PCDHA6: variants seen among roughly 807,000 people sequenced by gnomAD.
PCDHA6 encodes protocadherin alpha-6.
In PCDHA6, 55 loss-of-function variants were observed where a neutral mutation model predicts 60.3. That is an observed-to-expected ratio of 0.91 (90% confidence interval 0.73 to 1.14). The LOEUF is 1.14. PCDHA6 is among the 50% of genes most tolerant of loss of function. The probability of loss-of-function intolerance (pLI) is 0.00; values close to 1 mark genes in which losing one functional copy is unlikely to be tolerated. For synonymous variants in PCDHA6, 652 were observed against 557.9 expected (o/e 1.17, Z -2.38); for missense variants, 1,327 against 1,256.5 (o/e 1.06, Z -0.85).
intron 1 of PCDHA6, among the ~76,000 whole-genome samples, chr5:140,878,522 C>A (rs1237264420): frequency 6.6e-6 from 1 of 152,072 alleles, no homozygotes; most frequent in Non-Finnish European, 1.5e-5. Flanking sequence ...AGTTGGTAAC[C>A]AACTGTGGCT....
chr5:140,927,073 C>T (rs782173390), intron 1 of PCDHA6: 11 of 1,611,108 alleles, frequency 6.8e-6, no homozygotes, highest in Middle Eastern at 1.7e-4. Context: ...CCTTTCCAGC[C>T]ACCGCGAGCT....
intron 1 of PCDHA6, chr5:140,834,773 T>G (rs1773277984): frequency 1.9e-6 from 3 of 1,613,730 alleles, no homozygotes; most frequent in African/African-American, 1.3e-5. Flanking sequence ...ACGACAACCC[T>G]CCGGTGTTCC....
At chr5:140,925,556 T>C (rs1421287870) in intron 1 of PCDHA6, among the ~76,000 whole-genome samples, 2 of 151,752 alleles carry the variant, frequency 1.3e-5, no homozygotes, top group African/African-American at 4.8e-5. Flanking sequence ...AAATGACAAG[T>C]TAATGGGTGC....
chr5:140,969,348 G>A, intron 1 of PCDHA6: 5 of 1,613,304 alleles, frequency 3.1e-6, no homozygotes, highest in Non-Finnish European at 4.2e-6. Flanking sequence ...CAGTGGTCAG[G>A]GGGTCTTCTA....
rs1181664726 is a variant in PCDHA6 at position 140,982,480 on chromosome 5, T to C, written c.2459T>C (p.Val820Ala). ...GGGTCTGTGTGTTTATTCAGCTCTG[T>C]GCACCTAGAGGAGGCTGGCATTCTA... ...ASLRAGMHSS[V>A]HLEEAGILRA... is the part of the protein sequence containing the mutation. The change falls in exon 3 of 4, where the codon GTG (valine) becomes GCG (alanine). Residue 820 changes from valine (V) to alanine (A), a missense_variant. Coordinates refer to ENST00000529310, the MANE Select transcript of PCDHA6 (RefSeq NM_018909.4). 5.0e-6 allele frequency: 8 copies of C among 1,614,216 alleles called. No individual in the cohort carries two copies. Among genetic ancestry groups the C allele is most frequent in the Non-Finnish European group, 6.8e-6 (8 of 1,180,038 alleles).
Position 141,009,541 on chromosome 5 carries a change from A to G in PCDHA6, c.2543-86A>G. 8 of 1,530,282 alleles carry G rather than the reference A, an allele frequency of 5.2e-6. No homozygotes were observed. The South Asian group carries it at 6.6e-5, about 13-fold the overall frequency. 94.8% of individuals were successfully genotyped at this position (1,530,282 alleles called of 1,614,324 possible). Reference sequence around the variant, plus strand: ...TTTTCTGGGGAGGTTCAGCCTGCCTATGCAGTACTCCTGTACTCTACCAGC... The same window carrying G: ...TTTTCTGGGGAGGTTCAGCCTGCCTGTGCAGTACTCCTGTACTCTACCAGC... On this transcript the variant is annotated intron_variant, in intron 3 of 3. Coordinates refer to ENST00000529310, the MANE Select transcript of PCDHA6 (RefSeq NM_018909.4).
rs1554131730 is a variant in PCDHA6, at chr5:140,829,050, T to G, written c.959T>G (p.Ile320Ser). 2 of 1,613,108 alleles carry G rather than the reference T, an allele frequency of 1.2e-6. No homozygotes were observed. The change falls in exon 1 of 4, where the codon ATT becomes AGT. Residue 320 changes from isoleucine (I) to serine (S), a missense_variant. Transcript: ENST00000529310. ...FEQENLYKIL[I>S]DATDKGHPPM... is the part of the protein sequence containing the mutation. ...CAAGAAAACTTATACAAAATCCTCA[T>G]TGACGCCACGGACAAAGGCCATCCT...
chr5:140,842,877 C>G (rs782040771), intron 1 of PCDHA6: 5 of 1,593,864 alleles, frequency 3.1e-6, no homozygotes, highest in Non-Finnish European at 4.3e-6. Flanking sequence ...AAGGTGTACG[C>G]GCTGCAGCCG....
chr5:140,987,035 G>A (rs992580023), intron 3 of PCDHA6, among the ~76,000 whole-genome samples: 2 of 151,946 alleles, frequency 1.3e-5, no homozygotes, highest in African/African-American at 4.8e-5. Flanking sequence ...TCAACATGGC[G>A]AAACCCCATC....
intron 1 of PCDHA6, among the ~76,000 whole-genome samples, chr5:140,933,321 C>T (rs1266539168): frequency 2.6e-5 from 4 of 151,928 alleles, no homozygotes; most frequent in Non-Finnish European, 5.9e-5. Context: ...CTCGTATTCT[C>T]CTGTGCTGTA....
At chr5:140,883,630 G>T (rs1424400219) in intron 1 of PCDHA6, 8 of 1,613,966 alleles carry the variant, frequency 5.0e-6, no homozygotes, top group Non-Finnish European at 6.8e-6. Context: ...ACGCGCCGGC[G>T]TTCGCGCAGC....
intron 1 of PCDHA6, chr5:140,858,284 T>C: frequency 6.3e-7 from 1 of 1,596,754 alleles, no homozygotes; most frequent in South Asian, 1.1e-5. Flanking sequence ...GGTGGGGAGC[T>C]GGTCTTACTC....
chr5:140,859,706 C>T (rs1311210067), intron 1 of PCDHA6: 1 of 153,842 alleles, frequency 6.5e-6, no homozygotes, highest in Non-Finnish European at 1.4e-5. Context: ...AGTTTAGGAA[C>T]ACCAAAAAAA....
intron 1 of PCDHA6, among the ~76,000 whole-genome samples, chr5:140,975,318 C>T (rs1554236746): frequency 6.6e-6 from 1 of 152,198 alleles, no homozygotes; most frequent in Admixed American, 6.5e-5. Flanking sequence ...TTATGTCAGT[C>T]CCATCCAGAT....
chr5:140,911,381 G>A (rs2075444647), intron 1 of PCDHA6, among the ~76,000 whole-genome samples: 1 of 152,116 alleles, frequency 6.6e-6, no homozygotes, highest in African/African-American at 2.4e-5. Context: ...GGCTGTGCAT[G>A]CACCTTTCAT....
chr5:140,889,403 C>T (rs1246037388), intron 1 of PCDHA6, among the ~76,000 whole-genome samples: 1 of 151,882 alleles, frequency 6.6e-6, no homozygotes, highest in Non-Finnish European at 1.5e-5. Flanking sequence ...TTAATTTACT[C>T]GAGTCAGTTA....
intron 1 of PCDHA6, chr5:140,875,905 T>C (rs1554168057): frequency 2.0e-5 from 32 of 1,614,104 alleles, no homozygotes; most frequent in Non-Finnish European, 1.6e-5. Flanking sequence ...TGTTTCTGAA[T>C]CTGCGCCTCT....
At chr5:140,881,393 A>T (rs1216651655) in intron 1 of PCDHA6, 1 of 979,528 alleles carries the variant, frequency 1.0e-6, no homozygotes, top group African/African-American at 1.8e-5. Context: ...GGTAAGTTAA[A>T]TTCTATTAAA....
chr5:140,851,376 G>A, intron 1 of PCDHA6: 1 of 976,392 alleles, frequency 1.0e-6, no homozygotes, highest in Non-Finnish European at 1.2e-6. Flanking sequence ...TGATTGTTCA[G>A]CAACCTTCAG....
Sources: gnomAD v4.1 joint callset for allele counts (sites outside exome capture counted in the v4.1 genomes callset) on GRCh38, gnomAD v4.1.1 for gene constraint, MANE v1.5 for transcripts, NCBI Gene and HGNC (gene_info 2026-07-23, HGNC 2026-07-21) for gene names.